Variants in TPTE2 observed in about 807,000 individuals in gnomAD.
TPTE2 encodes phosphatidylinositol 3,4,5-trisphosphate 3-phosphatase TPTE2.
A neutral mutation model predicts 78.6 loss-of-function variants in TPTE2; 53 were observed. That is an observed-to-expected ratio of 0.67 (90% CI 0.54 to 0.85). The LOEUF is 0.85. TPTE2 is among the 40% of genes least tolerant of loss of function. TPTE2 has a pLI of 0.00. For missense variants in TPTE2, 461 were observed against 623.0 expected, an observed-to-expected ratio of 0.74 and a Z score of 2.77; for synonymous variants, 175 against 206.2, an observed-to-expected ratio of 0.85 and a Z score of 1.30.
chr13:19,515,940 A>G (rs1298598405), intron 1 of TPTE2, among the ~76,000 whole-genome samples: 1 of 152,210 alleles, frequency 6.6e-6, no homozygotes, highest in Non-Finnish European at 1.5e-5. Flanking sequence ...ACATCCATAG[A>G]TGTGAACTCC....
At chr13:19,437,877 T>C (rs1877213299) in intron 14 of TPTE2, among the ~76,000 whole-genome samples, 1 of 152,158 alleles carries the variant, frequency 6.6e-6, no homozygotes, top group African/African-American at 2.4e-5. Context: ...TTGACCTCAC[T>C]CTAGTCCTGG....
chr13:19,467,311 A>C, exon 7 of TPTE2: 2 of 1,579,808 alleles, frequency 1.3e-6, no homozygotes, highest in Middle Eastern at 3.4e-4. Context: ...CAGTATCTAA[A>C]ATGTTAAATA....
chr13:19,508,013 G>A (rs1428020257), upstream of TPTE2, among the ~76,000 whole-genome samples: 1 of 152,008 alleles, frequency 6.6e-6, no homozygotes, highest in African/African-American at 2.4e-5. Flanking sequence ...GAGTTGCCTG[G>A]TCAGTGTTTC....
chr13:19,454,191 A>G, intron 10 of TPTE2, among the ~76,000 whole-genome samples: 1 of 152,136 alleles, frequency 6.6e-6, no homozygotes, highest in Non-Finnish European at 1.5e-5. Context: ...CAAATTTACC[A>G]CTTATGAAAT....
intron 3 of TPTE2, among the ~76,000 whole-genome samples, chr13:19,488,984 T>C (rs1880821262): frequency 6.6e-6 from 1 of 152,140 alleles, no homozygotes; most frequent in Admixed American, 6.6e-5. Context: ...TCAGAGACCA[T>C]CATAGGCTTA....
chr13:19,449,831 A>C (rs1196315204), intron 13 of TPTE2, among the ~76,000 whole-genome samples: 1 of 152,164 alleles, frequency 6.6e-6, no homozygotes, highest in East Asian at 1.9e-4. Flanking sequence ...AAAACAAGGG[A>C]AAATATGCTC....
intron 1 of TPTE2, among the ~76,000 whole-genome samples, chr13:19,529,795 C>T (rs1297371811): frequency 6.6e-6 from 1 of 152,034 alleles, no homozygotes. Flanking sequence ...GGAAACATTA[C>T]TTCTCTCCTC....
the TPTE2 span, among the ~76,000 whole-genome samples, chr13:19,555,788 G>A: frequency 3.7e-3 from 529 of 144,900 alleles, 3 homozygotes; most frequent in Non-Finnish European, 6.3e-3. Flanking sequence ...CAGCTGCCCT[G>A]ACAACAACAA....
At chr13:19,526,629 C>T (rs1009066855) in intron 1 of TPTE2, among the ~76,000 whole-genome samples, 49 of 152,134 alleles carry the variant, frequency 3.2e-4, no homozygotes, top group Non-Finnish European at 4.6e-4. Flanking sequence ...TGCTTATCAC[C>T]TGAGTGACAA....
In TPTE2 at chr13:19,464,451, C is replaced by G. The variant is rs2137563819; in HGVS notation, c.741+5G>C. On this transcript the variant is annotated splice_donor_5th_base_variant and intron_variant, in intron 10 of 19. Transcript: ENST00000400230. ...AATGAGTATTTGTCAGATAAAGACC[C>G]TTACCTCAATTGGATTTCTATAGAA... 1.9e-6 allele frequency: 3 copies of G among 1,610,792 alleles called. No individual in the cohort carries two copies. In the East Asian group the frequency reaches 6.7e-5, roughly 36 times the overall value.
At chr13:19,440,219 C>A (rs998439291) in intron 13 of TPTE2, among the ~76,000 whole-genome samples, 3 of 152,264 alleles carry the variant, frequency 2.0e-5, no homozygotes, top group African/African-American at 7.2e-5. Flanking sequence ...AGATCACACA[C>A]AAAGGTAGCC....
At chr13:19,474,821 A>G (rs1329090581) in intron 5 of TPTE2, among the ~76,000 whole-genome samples, 3 of 152,234 alleles carry the variant, frequency 2.0e-5, no homozygotes, top group Non-Finnish European at 2.9e-5. Flanking sequence ...GCATAAATCT[A>G]TATCATAGTA....
chr13:19,426,219 T>C (rs1379658567), intron 18 of TPTE2: 1 of 498,620 alleles, frequency 2.0e-6, no homozygotes, highest in East Asian at 3.8e-5. Flanking sequence ...TTTAGAAAAA[T>C]TTAGAAAATT....
At chr13:19,467,066 T>A (rs1764942729) in intron 7 of TPTE2, among the ~76,000 whole-genome samples, 159 bp downstream of exon 10, 1 of 152,168 alleles carries the variant, frequency 6.6e-6, no homozygotes, top group South Asian at 2.1e-4. Context: ...TCTTTTAGTT[T>A]CAAAGTATGT....
At chr13:19,528,809 C>A (rs371572626) in intron 1 of TPTE2, among the ~76,000 whole-genome samples, 7 of 152,176 alleles carry the variant, frequency 4.6e-5, no homozygotes, top group African/African-American at 1.7e-4. Flanking sequence ...TGAACTGCTA[C>A]TTGGCTTCCC....
chr13:19,528,664 G>C (rs572397098), intron 1 of TPTE2, among the ~76,000 whole-genome samples: 1 of 152,140 alleles, frequency 6.6e-6, no homozygotes, highest in Non-Finnish European at 1.5e-5. Flanking sequence ...TCCAGTTCTC[G>C]CTAGCTCAGA....
intron 6 of TPTE2, among the ~76,000 whole-genome samples, chr13:19,467,966 T>C (rs1879374361): frequency 6.7e-6 from 1 of 150,230 alleles, no homozygotes; most frequent in South Asian, 2.1e-4. Flanking sequence ...CTGGCTTATT[T>C]CACTTAACAA....
chr13:19,483,815 C>T (rs572114261), intron 3 of TPTE2, among the ~76,000 whole-genome samples: 4 of 152,084 alleles, frequency 2.6e-5, no homozygotes, highest in South Asian at 2.1e-4. Flanking sequence ...TTCTAGGGTA[C>T]ATGTGCACAA....
chr13:19,443,737 TACACAC>T (rs373060672), intron 13 of TPTE2, among the ~76,000 whole-genome samples: 2,351 of 129,796 alleles, frequency 0.018, 45 homozygotes, highest in African/African-American at 0.053. Flanking sequence ...TGGTAGCTAA[TACACAC>T]ACACACACAC....
Sources: gnomAD v4.1 joint callset for allele counts (sites outside exome capture counted in the v4.1 genomes callset) on GRCh38, gnomAD v4.1.1 for gene constraint, MANE v1.5 for transcripts, NCBI Gene and HGNC (gene_info 2026-07-23, HGNC 2026-07-21) for gene names.